Variants in EPB41L4A observed in about 807,000 individuals in gnomAD.
EPB41L4A encodes the protein band 4.1-like protein 4A.
Under a neutral mutation model 108.6 loss-of-function variants are expected in EPB41L4A, and 100 were observed. That is an observed-to-expected ratio of 0.92 (90% CI 0.78 to 1.09). The LOEUF is 1.09. Ranked by LOEUF, EPB41L4A falls within the 50% of genes least tolerant of loss-of-function variation. The probability of loss-of-function intolerance (pLI) is 0.00; values close to 1 mark genes in which losing one functional copy is unlikely to be tolerated. For synonymous variants in EPB41L4A, 319 were observed against 289.0 expected (o/e 1.10, Z -1.05); for missense variants, 1,030 against 842.7 (o/e 1.22, Z -2.75).
chr5:112,198,560 G>C (rs917573372), intron 15 of EPB41L4A, among the ~76,000 whole-genome samples: 33 of 152,088 alleles, frequency 2.2e-4, no homozygotes, highest in African/African-American at 7.5e-4. Flanking sequence ...TCGCTTTGCT[G>C]TTTCTTTAAT....
rs888953357 is a variant in EPB41L4A at position 112,163,354 on chromosome 5, C to T, written c.*1636G>A. ...ATTACCTTTGAGAAACCCAAATGGT[C>T]TTTTTGCAGTAGCACATTACTCAGT... On this transcript the variant is annotated 3_prime_UTR_variant, in exon 23 of 23. Coordinates refer to ENST00000261486, the MANE Select transcript of EPB41L4A (RefSeq NM_022140.5). The T allele has an allele frequency of 2.6e-5, 4 of 152,148 alleles. No homozygotes were observed. Among genetic ancestry groups the T allele is most frequent in the Non-Finnish European group, 5.9e-5 (4 of 68,034 alleles). The allele number at this position is 152,148 out of a possible 1,614,324, so 9.4% of individuals were successfully genotyped here. A position where few individuals can be genotyped will look rare whatever the true frequency, so the allele number is the denominator to read the frequency against.
At chr5:112,167,123 C>CAAAAAAAAAAAAAAAA (rs10642511) in intron 22 of EPB41L4A, among the ~76,000 whole-genome samples, 2 of 110,574 alleles carry the variant, frequency 1.8e-5, no homozygotes, top group East Asian at 5.5e-4. Context: ...AAATTTAAGA[C>CAAAAAAAAAAAAAAAA]AAAAAAAAAA....
intron 17 of EPB41L4A, 61 bp from the exon 18 acceptor site, chr5:112,184,196 T>A: frequency 6.4e-7 from 1 of 1,572,196 alleles, no homozygotes; most frequent in South Asian, 1.2e-5. Context: ...TTTAGGTTCA[T>A]CCTAAACTTG....
chr5:112,385,828 C>A (rs1227005454), intron 1 of EPB41L4A, among the ~76,000 whole-genome samples: 2 of 152,154 alleles, frequency 1.3e-5, no homozygotes, highest in Non-Finnish European at 2.9e-5. Context: ...GTTTCAGTCT[C>A]ACAAGCTCCT....
intron 9 of EPB41L4A, among the ~76,000 whole-genome samples, chr5:112,243,231 ATATC>A (rs1206084267): frequency 6.7e-6 from 1 of 150,028 alleles, no homozygotes; most frequent in Non-Finnish European, 1.5e-5. Context: ...ATATATATAT[ATATC>A]TATGTATATA....
chr5:112,250,897 TG>T (rs1236437964), intron 9 of EPB41L4A: 2 of 152,202 alleles, frequency 1.3e-5, no homozygotes, highest in African/African-American at 4.8e-5. Flanking sequence ...ACTAGGTGCT[TG>T]TAACCTCACA....
At chr5:112,184,273 C>G (rs1761316072) in intron 17 of EPB41L4A, 138 bp from the exon 18 acceptor site, 1 of 931,184 alleles carries the variant, frequency 1.1e-6, no homozygotes, top group Non-Finnish European at 1.6e-6. Context: ...TGCATATTAA[C>G]TGAATTAATA....
chr5:112,158,698 G>A (rs1172960658), downstream of EPB41L4A, among the ~76,000 whole-genome samples: 2 of 152,204 alleles, frequency 1.3e-5, no homozygotes, highest in Non-Finnish European at 2.9e-5. Flanking sequence ...CATGGCAGCA[G>A]GAAGGTGAAG....
intron 2 of EPB41L4A, among the ~76,000 whole-genome samples, chr5:112,283,817 G>T (rs907873559): frequency 1.3e-5 from 2 of 152,080 alleles, no homozygotes; most frequent in African/African-American, 4.8e-5. Context: ...AATGTGGTGA[G>T]ACAATAATTA....
At chr5:112,149,986 G>A (rs1273156766) in intron 12 of EPB41L4A, among the ~76,000 whole-genome samples, 2 of 152,174 alleles carry the variant, frequency 1.3e-5, no homozygotes, top group Non-Finnish European at 2.9e-5. Context: ...AACATCCTCA[G>A]TAAGTGAATG....
chr5:112,418,246 C>G lies in EPB41L4A; in HGVS notation c.99+695G>C, dbSNP rs543793318. Among the ~76,000 whole-genome samples the G allele has an allele frequency of 2.0e-5, 3 of 152,330 alleles. No individual in the cohort carries two copies. The South Asian group carries it at 6.2e-4, about 32-fold the overall frequency. On this transcript the variant is annotated intron_variant, in intron 1 of 22. Transcript: ENST00000261486. ...AGGTTGTCACTACAAACATACGTAC[C>G]TTCTCATCCAATGTAAGGAAGAGGA... is the stretch of plus-strand genomic sequence containing the variant.
intron 1 of EPB41L4A, among the ~76,000 whole-genome samples, chr5:112,345,778 TATACACACACACACACACACACACACAC>T (rs1283877937): frequency 2.1e-4 from 27 of 130,696 alleles, no homozygotes; most frequent in African/African-American, 6.4e-4. Context: ...CATATATATA[TATACACACACACACACACACACACACAC>T]ACACACACAC....
intron 1 of EPB41L4A, among the ~76,000 whole-genome samples, chr5:112,395,413 A>T (rs183225532): frequency 4.6e-4 from 70 of 152,228 alleles, no homozygotes; most frequent in Non-Finnish European, 6.6e-4. Flanking sequence ...AAAACAAACA[A>T]CCCCATCAAC....
intron 3 of EPB41L4A, 115 bp downstream of exon 3, chr5:112,280,157 G>C: frequency 2.4e-6 from 2 of 830,730 alleles, no homozygotes; most frequent in Non-Finnish European, 4.2e-6. Flanking sequence ...TGGTACTCAA[G>C]TACTAGTATT....
chr5:112,344,339 A>T (rs1757506587), intron 1 of EPB41L4A, among the ~76,000 whole-genome samples: 1 of 152,210 alleles, frequency 6.6e-6, no homozygotes, highest in Admixed American at 6.5e-5. Flanking sequence ...CTGGGCTAGA[A>T]ATACACACTT....
chr5:112,180,829 C>T (rs1043982816), intron 18 of EPB41L4A, among the ~76,000 whole-genome samples: 14 of 151,984 alleles, frequency 9.2e-5, no homozygotes, highest in Non-Finnish European at 1.9e-4. Context: ...AACTTTTATC[C>T]AGAATACATA....
intron 12 of EPB41L4A, among the ~76,000 whole-genome samples, chr5:112,227,630 C>A (rs1748563545): frequency 6.6e-6 from 1 of 152,192 alleles, no homozygotes; most frequent in Admixed American, 6.5e-5. Flanking sequence ...ATACATCCGT[C>A]TCTATTCAGA....
intron 22 of EPB41L4A, among the ~76,000 whole-genome samples, chr5:112,167,742 T>C (rs551363500): frequency 6.6e-6 from 1 of 152,230 alleles, no homozygotes; most frequent in Admixed American, 6.5e-5. Flanking sequence ...ATGGATCCCG[T>C]GGGCACTTTC....
intron 9 of EPB41L4A, among the ~76,000 whole-genome samples, chr5:112,244,585 C>T (rs1415913630): frequency 1.3e-5 from 2 of 152,160 alleles, no homozygotes; most frequent in African/African-American, 4.8e-5. Context: ...ATAGGGCTCA[C>T]AGATTGGTTT....
Sources: allele counts gnomAD v4.1 joint callset (sites outside exome capture counted in the v4.1 genomes callset), GRCh38; gene constraint gnomAD v4.1.1; transcripts MANE v1.5; gene names NCBI Gene and HGNC (gene_info 2026-07-23, HGNC 2026-07-21).